BPIFB6: variants seen among roughly 807,000 people sequenced by gnomAD.
BPIFB6 encodes the protein BPI fold containing family B member 6.
A neutral mutation model predicts 54.7 loss-of-function variants in BPIFB6; 47 were observed. The observed-to-expected ratio is 0.86, with a 90% CI of 0.68 to 1.10. The LOEUF is 1.10. BPIFB6 is among the 50% of genes least tolerant of loss of function. The probability of loss-of-function intolerance (pLI) is 0.00; values close to 1 mark genes in which losing one functional copy is unlikely to be tolerated. For missense variants in BPIFB6, 603 were observed against 564.1 expected (o/e 1.07, Z -0.70); for synonymous variants, 255 against 225.9 (o/e 1.13, Z -1.16).
intron 13 of BPIFB6, 62 bp downstream of exon 13, chr20:33,042,940 C>A: frequency 6.6e-7 from 1 of 1,506,126 alleles, no homozygotes; most frequent in Non-Finnish European, 9.2e-7. Flanking sequence ...ATAAGGGATG[C>A]CACCTGGGTG....
intron 11 of BPIFB6, 29 bp from the exon 12 acceptor site, chr20:33,041,941 G>T: frequency 6.2e-7 from 1 of 1,611,570 alleles, no homozygotes; most frequent in Non-Finnish European, 8.5e-7. Context: ...TCCCCTCCCC[G>T]CCTGGCTTGC....
At chr20:33,035,727 G>A (rs1300637851) in intron 6 of BPIFB6, 55 bp downstream of exon 6, 2 of 1,544,694 alleles carry the variant, frequency 1.3e-6, no homozygotes, top group East Asian at 2.2e-5. Context: ...AGGATAGATA[G>A]ACTTTGATGT....
At chr20:33,035,546 C>A in intron 5 of BPIFB6, 66 bp from the exon 6 acceptor site, 1 of 1,533,830 alleles carries the variant, frequency 6.5e-7, no homozygotes, top group Non-Finnish European at 9.0e-7. Flanking sequence ...CCGTGGTGTA[C>A]CATTCAGCTG....
rs1380471265 is a variant in BPIFB6 at position 33,036,431 on chromosome 20, T to C, written c.578-14T>C. 2.5e-6 allele frequency: 4 copies of C among 1,603,938 alleles called. No homozygotes were observed. Among genetic ancestry groups the C allele is most frequent in the Non-Finnish European group, 3.4e-6 (4 of 1,174,498 alleles). ...GGTTGGTGCCTCTTTGAGTGGAACCTCCTTTTCACACAGACCCCATGCCTG... is the reference window on the plus strand; with the variant it reads ...GGTTGGTGCCTCTTTGAGTGGAACCCCCTTTTCACACAGACCCCATGCCTG... On this transcript the variant is annotated splice_polypyrimidine_tract_variant and intron_variant, in intron 6 of 14. Transcript: ENST00000349552.
intron 1 of BPIFB6, 33 bp from the exon 2 acceptor site, chr20:33,032,951 G>A (rs772948595): frequency 6.4e-7 from 1 of 1,572,076 alleles, no homozygotes. Flanking sequence ...TTGGCCCAGG[G>A]AAAATCTCTC....
rs1600527901 is a variant in BPIFB6, at chr20:33,042,149, C to G, written c.1188+134C>G. The G allele has an allele frequency of 7.1e-6, 6 of 842,330 alleles. No homozygotes were observed. The East Asian group carries it at 1.1e-4, about 15-fold the overall frequency. The allele number at this position is 842,330 out of a possible 1,614,324, so 52.2% of individuals were successfully genotyped here. A position where few individuals can be genotyped will look rare whatever the true frequency, so the allele number is the denominator to read the frequency against. On this transcript the variant is annotated intron_variant, in intron 12 of 14. Coordinates refer to ENST00000349552, the MANE Select transcript of BPIFB6 (RefSeq NM_174897.2). ...AAGGCCACTGTGAGGCGTGGCGCACCTGACTTGCCGTGTGAGCTTAGGAAA... is the reference window on the plus strand; with the variant it reads ...AAGGCCACTGTGAGGCGTGGCGCACGTGACTTGCCGTGTGAGCTTAGGAAA...
chr20:33,038,828 C>A (rs1255142565), intron 8 of BPIFB6, 81 bp from the exon 9 acceptor site: 2 of 1,343,082 alleles, frequency 1.5e-6, no homozygotes, highest in Non-Finnish European at 2.1e-6. Context: ...AAAGGGTACA[C>A]CTTGTTAAGT....
chr20:33,033,360 T>C (rs1244444640), intron 2 of BPIFB6: 6 of 538,916 alleles, frequency 1.1e-5, no homozygotes, highest in Admixed American at 4.5e-5. Context: ...CAACTCTGCA[T>C]GCAACATGAA....
At chr20:33,043,764 G>T (rs1379468121) in intron 14 of BPIFB6, among the ~76,000 whole-genome samples, 2 of 152,190 alleles carry the variant, frequency 1.3e-5, no homozygotes, top group Non-Finnish European at 2.9e-5. Flanking sequence ...GCTTCGAGTG[G>T]TAAATGTACA....
chr20:33,041,562 G>C (rs1452110850), intron 11 of BPIFB6, among the ~76,000 whole-genome samples: 1 of 152,124 alleles, frequency 6.6e-6, no homozygotes, highest in Non-Finnish European at 1.5e-5. Context: ...TGTTCTGGTG[G>C]CAACATATGT....
chr20:33,032,933 CTGAG>C, intron 1 of BPIFB6, 47 bp from the exon 2 acceptor site: 1 of 1,458,182 alleles, frequency 6.9e-7, no homozygotes, highest in Non-Finnish European at 9.6e-7. Flanking sequence ...CCTGGGATAC[CTGAG>C]TGATTGGCCC....
At position 33,044,020 on chromosome 20, in the gene BPIFB6, CCT is replaced by C; in HGVS notation, c.1336_1337del (p.Leu446AspfsTer?). The C allele has an allele frequency of 6.2e-7, 1 of 1,614,182 alleles. No individual in the cohort carries two copies. The highest frequency in any genetic ancestry group is 1.7e-5 in the Admixed American group (1 of 60,018). ...ACCCCTTTGCCTTTTGCCAGAATGCCCTGATGCTGGACTTGAAGCTGGGCTGA... is the reference window on the plus strand; with the variant it reads ...ACCCCTTTGCCTTTTGCCAGAATGCCGATGCTGGACTTGAAGCTGGGCTGA... ...LAELDIVENA[L>X]MLDLKLG On this transcript the variant is annotated frameshift_variant, in exon 15 of 15. Transcript: ENST00000349552. LOFTEE classifies it high-confidence loss of function.
intron 11 of BPIFB6, 22 bp downstream of exon 11, chr20:33,040,340 C>G (rs781452977): frequency 6.2e-7 from 1 of 1,610,284 alleles, no homozygotes; most frequent in Non-Finnish European, 8.5e-7. Context: ...CTGCCCAATG[C>G]TGGCATCCCT....
chr20:33,043,304 G>A lies in BPIFB6; in HGVS notation c.1266G>A (p.Val422=). ...TGTATTTCTCAGATGTGCTTCAAGTGGGGCTCCCACTCCCGGACTTTCTGG... is the reference window on the plus strand; with the variant it reads ...TGTATTTCTCAGATGTGCTTCAAGTAGGGCTCCCACTCCCGGACTTTCTGG... ...YIPVVNDVLQ[V]GLPLPDFLAM... is the part of the protein sequence containing the mutation. Residue 422 remains valine, a synonymous_variant, in exon 14 of 15, where the codon GTG becomes GTA. Coordinates refer to ENST00000349552, the MANE Select transcript of BPIFB6 (RefSeq NM_174897.2). The A allele has an allele frequency of 6.2e-7, 1 of 1,614,130 alleles. No individual in the cohort carries two copies. The highest frequency in any genetic ancestry group is 8.5e-7 in the Non-Finnish European group (1 of 1,179,974).
intron 10 of BPIFB6, 110 bp from the exon 11 acceptor site, chr20:33,040,141 C>A: frequency 1.0e-6 from 1 of 972,930 alleles, no homozygotes; most frequent in Non-Finnish European, 1.6e-6. Flanking sequence ...AGATCCCCTG[C>A]TTTGTCTTGG....
intron 6 of BPIFB6, among the ~76,000 whole-genome samples, chr20:33,035,970 A>T (rs559814044): frequency 3.9e-4 from 59 of 152,210 alleles, no homozygotes; most frequent in African/African-American, 1.3e-3. Context: ...AGTAATCCCG[A>T]TGGTAGTAAT....
At chr20:33,043,449 C>A in intron 14 of BPIFB6, 82 bp downstream of exon 14, 1 of 1,350,402 alleles carries the variant, frequency 7.4e-7, no homozygotes, top group East Asian at 2.3e-5. Flanking sequence ...CTCTCTCAAA[C>A]TGGAAAGGGT....
chr20:33,037,151 C>T (rs747472573), intron 7 of BPIFB6, among the ~76,000 whole-genome samples: 2 of 152,300 alleles, frequency 1.3e-5, no homozygotes, highest in East Asian at 3.9e-4. Context: ...CTTTCAGGAA[C>T]GTGAAGTAAA....
intron 14 of BPIFB6, among the ~76,000 whole-genome samples, chr20:33,043,739 C>G (rs968199820): frequency 2.0e-5 from 3 of 152,222 alleles, no homozygotes; most frequent in Non-Finnish European, 4.4e-5. Flanking sequence ...CTTTGTATTG[C>G]ATGCCAACCT....
Sources: allele counts gnomAD v4.1 joint callset (sites outside exome capture counted in the v4.1 genomes callset), GRCh38; gene constraint gnomAD v4.1.1; transcripts MANE v1.5; gene names NCBI Gene and HGNC (gene_info 2026-07-23, HGNC 2026-07-21).